SLC35D4: variants seen among roughly 807,000 people sequenced by gnomAD.
The protein encoded by SLC35D4 is UDP-N-acetylglucosamine transporter SLC35D4.
At chr18:23,283,403 G>A in the SLC35D4 span, among the ~76,000 whole-genome samples, 2 of 148,508 alleles carry the variant, frequency 1.3e-5, no homozygotes. Flanking sequence ...GAGCTGGGGA[G>A]GTTGAAGCTG....
At chr18:23,318,525 A>T in the SLC35D4 span, among the ~76,000 whole-genome samples, 1 of 152,226 alleles carries the variant, frequency 6.6e-6, no homozygotes, top group Non-Finnish European at 1.5e-5. Flanking sequence ...TTCAACCAAC[A>T]TCTTAATTAA....
At chr18:23,377,629 G>A in the SLC35D4 span, 5 of 1,573,490 alleles carry the variant, frequency 3.2e-6, no homozygotes, top group East Asian at 9.3e-5. Context: ...TTTTTGGGGG[G>A]AGGGCAGTAA....
the SLC35D4 span, among the ~76,000 whole-genome samples, chr18:23,286,542 C>T: frequency 3.9e-5 from 6 of 152,130 alleles, no homozygotes; most frequent in African/African-American, 2.4e-5. Flanking sequence ...GCTGCCCGAT[C>T]GCCTCGGAAG....
the SLC35D4 span, among the ~76,000 whole-genome samples, chr18:23,323,676 G>T: frequency 6.6e-6 from 1 of 152,150 alleles, no homozygotes; most frequent in African/African-American, 2.4e-5. Context: ...ACAAGTTGAA[G>T]CCCAACCCCC....
At chr18:23,287,057 G>A in the SLC35D4 span, among the ~76,000 whole-genome samples, 1 of 151,446 alleles carries the variant, frequency 6.6e-6, no homozygotes, top group Non-Finnish European at 1.5e-5. Flanking sequence ...CCATCCCACA[G>A]CATGCTTTGA....
At chr18:23,342,804 T>C in the SLC35D4 span, among the ~76,000 whole-genome samples, 21 of 152,244 alleles carry the variant, frequency 1.4e-4, no homozygotes, top group African/African-American at 5.1e-4. Context: ...AATTTGCATT[T>C]CTCTAATGAC....
the SLC35D4 span, among the ~76,000 whole-genome samples, chr18:23,326,789 C>G: frequency 6.6e-6 from 1 of 152,180 alleles, no homozygotes; most frequent in African/African-American, 2.4e-5. Flanking sequence ...TAAAATTGAT[C>G]ACATAATTGG....
At chr18:23,383,465 C>T in the SLC35D4 span, among the ~76,000 whole-genome samples, 2 of 151,896 alleles carry the variant, frequency 1.3e-5, no homozygotes, top group African/African-American at 4.8e-5. Flanking sequence ...CACGATGAGT[C>T]GCACAGACGA....
the SLC35D4 span, among the ~76,000 whole-genome samples, chr18:23,373,921 C>A: frequency 6.6e-6 from 1 of 152,166 alleles, no homozygotes; most frequent in Non-Finnish European, 1.5e-5. Context: ...ACCTGACTAC[C>A]TGTGTAGTTT....
chr18:23,295,511 T>C, the SLC35D4 span, among the ~76,000 whole-genome samples: 1 of 152,052 alleles, frequency 6.6e-6, no homozygotes, highest in Non-Finnish European at 1.5e-5. Context: ...ATATTTTTCA[T>C]GGAAACAAAC....
At chr18:23,349,085 G>T in the SLC35D4 span, among the ~76,000 whole-genome samples, 1 of 152,052 alleles carries the variant, frequency 6.6e-6, no homozygotes, top group Non-Finnish European at 1.5e-5. Context: ...TTTCCCTCTT[G>T]CCACTTTTAA....
chr18:23,394,307 A>C, the SLC35D4 span, among the ~76,000 whole-genome samples: 2 of 152,294 alleles, frequency 1.3e-5, no homozygotes, highest in East Asian at 3.9e-4. Flanking sequence ...CTAATGATTA[A>C]TGATGTTGAG....
At chr18:23,289,126 G>C in the SLC35D4 span, among the ~76,000 whole-genome samples, 3 of 152,106 alleles carry the variant, frequency 2.0e-5, no homozygotes, top group Non-Finnish European at 4.4e-5. Flanking sequence ...CCTATTCACT[G>C]TTCTCAACTA....
the SLC35D4 span, among the ~76,000 whole-genome samples, chr18:23,314,450 G>A: frequency 6.6e-6 from 1 of 152,198 alleles, no homozygotes; most frequent in Non-Finnish European, 1.5e-5. Flanking sequence ...CTACTGCAAT[G>A]TGCTTACCCT....
chr18:23,437,497 T>C, the SLC35D4 span, among the ~76,000 whole-genome samples: 5 of 152,080 alleles, frequency 3.3e-5, no homozygotes, highest in Admixed American at 2.0e-4. Context: ...CTCTTAAAAC[T>C]AGTCCACACA....
chr18:23,299,735 G>A, the SLC35D4 span, among the ~76,000 whole-genome samples: 1 of 152,188 alleles, frequency 6.6e-6, no homozygotes, highest in Admixed American at 6.5e-5. Flanking sequence ...AAGGCCTCTG[G>A]GGGAAGGCAG....
At chr18:23,286,904 G>C in the SLC35D4 span, among the ~76,000 whole-genome samples, 1 of 151,748 alleles carries the variant, frequency 6.6e-6, no homozygotes, top group Non-Finnish European at 1.5e-5. Context: ...CCAATCCAAA[G>C]CCTCCTTTGC....
chr18:23,418,999 C>T, the SLC35D4 span, among the ~76,000 whole-genome samples: 1 of 151,464 alleles, frequency 6.6e-6, no homozygotes, highest in African/African-American at 2.4e-5. Context: ...CAGAGCGAGA[C>T]TCTGTCTCAA....
the SLC35D4 span, among the ~76,000 whole-genome samples, chr18:23,345,834 C>A: frequency 6.6e-6 from 1 of 151,974 alleles, no homozygotes; most frequent in Admixed American, 6.6e-5. Context: ...TTTAATTCCT[C>A]TCAAAAAGGT....
Sources: gnomAD v4.1 joint callset for allele counts (sites outside exome capture counted in the v4.1 genomes callset) on GRCh38, gnomAD v4.1.1 for gene constraint, MANE v1.5 for transcripts, NCBI Gene and HGNC (gene_info 2026-07-23, HGNC 2026-07-21) for gene names.